The following STPG2 variants were observed in gnomAD, a reference collection of about 807,000 sequenced individuals.
The protein encoded by STPG2 is sperm-tail PG-rich repeat-containing protein 2.
STPG2 carries 56 observed loss-of-function variants against 54.2 expected under a neutral mutation model. The ratio of observed to expected loss-of-function variants is 1.03; its 90% CI spans 0.83 to 1.29. The LOEUF (loss-of-function observed/expected upper bound fraction) is 1.29. Among genes scored for constraint, STPG2 ranks in the 50% most tolerant of loss-of-function variants. The probability of loss-of-function intolerance (pLI) is 0.00; values close to 1 mark genes in which losing one functional copy is unlikely to be tolerated. For missense variants in STPG2, 596 were observed against 544.9 expected (o/e 1.09, Z -0.93); for synonymous variants, 200 against 181.8 (o/e 1.10, Z -0.81).
At chr4:97,908,200 C>T (rs1204669892) in intron 8 of STPG2, among the ~76,000 whole-genome samples, 3 of 152,086 alleles carry the variant, frequency 2.0e-5, no homozygotes, top group African/African-American at 7.2e-5. Context: ...AAAAAGTGGG[C>T]AAAGGACATG....
chr4:97,550,490 G>C (rs1313830492), intron 4 of STPG2, among the ~76,000 whole-genome samples: 1 of 152,076 alleles, frequency 6.6e-6, no homozygotes, highest in East Asian at 1.9e-4. Flanking sequence ...ATACGGAATA[G>C]CCTAGTTTAG....
chr4:97,502,942 G>A (rs959478153), intron 4 of STPG2, among the ~76,000 whole-genome samples: 12 of 151,722 alleles, frequency 7.9e-5, no homozygotes, highest in African/African-American at 2.9e-4. Flanking sequence ...GAAGCTCGAA[G>A]CCTAGATCCA....
intron 8 of STPG2, among the ~76,000 whole-genome samples, chr4:97,861,281 A>C (rs2149141028): frequency 6.6e-6 from 1 of 152,266 alleles, no homozygotes; most frequent in East Asian, 1.9e-4. Context: ...AAAATAAAAA[A>C]CTATAATGAG....
intron 4 of STPG2, among the ~76,000 whole-genome samples, chr4:97,535,556 T>C (rs1292028354): frequency 6.6e-6 from 1 of 152,216 alleles, no homozygotes; most frequent in African/African-American, 2.4e-5. Flanking sequence ...TTTAGCATGG[T>C]AAAAACACAG....
chr4:97,978,434 G>A (rs1270444423), intron 6 of STPG2, among the ~76,000 whole-genome samples: 1 of 152,122 alleles, frequency 6.6e-6, no homozygotes, highest in Non-Finnish European at 1.5e-5. Flanking sequence ...CCACATGTTT[G>A]CACTTATAAG....
At position 97,759,447 on chromosome 4, in the gene STPG2, A is replaced by G. The variant is rs188267262; in HGVS notation, c.1205-46633T>C. Among the ~76,000 whole-genome samples, 32 of 152,314 alleles carry G rather than the reference A, an allele frequency of 2.1e-4. No individual in the cohort carries two copies. The East Asian group carries it at 5.6e-3, about 27-fold the overall frequency. On this transcript the variant is annotated intron_variant, in intron 9 of 10. Coordinates refer to ENST00000295268, the MANE Select transcript of STPG2 (RefSeq NM_174952.3). The stretch of plus-strand genomic sequence containing the variant: ...TAAATTCTATGTTTTAACCAATTTA[A>G]TAGAGGGAAGAAAAAATAATCCAGG...
chr4:97,949,643 C>T (rs536057176), intron 7 of STPG2, among the ~76,000 whole-genome samples: 7 of 152,046 alleles, frequency 4.6e-5, no homozygotes, highest in South Asian at 4.1e-4. Flanking sequence ...CTGAAAATGA[C>T]GTAGTTTTGC....
chr4:98,090,200 T>C (rs933180521), intron 5 of STPG2, among the ~76,000 whole-genome samples: 1 of 152,198 alleles, frequency 6.6e-6, no homozygotes, highest in African/African-American at 2.4e-5. Context: ...ATTTAAGTCA[T>C]TGATTCATCT....
intron 10 of STPG2, among the ~76,000 whole-genome samples, chr4:97,577,500 C>T (rs151136589): frequency 6.6e-6 from 1 of 152,180 alleles, no homozygotes; most frequent in African/African-American, 2.4e-5. Context: ...AAACAAATAC[C>T]GCCTGTTCTC....
intron 8 of STPG2, among the ~76,000 whole-genome samples, chr4:97,855,150 C>A (rs1290904411): frequency 6.6e-6 from 1 of 152,092 alleles, no homozygotes; most frequent in African/African-American, 2.4e-5. Context: ...TCTAGTCTAT[C>A]ATTGAGGGGC....
At chr4:97,898,853 AT>A (rs1731059865) in intron 8 of STPG2, among the ~76,000 whole-genome samples, 1 of 151,762 alleles carries the variant, frequency 6.6e-6, no homozygotes, top group South Asian at 2.1e-4. Context: ...TTTTACACAT[AT>A]AAAAATTCAA....
chr4:98,053,449 A>G (rs1444849331), intron 5 of STPG2, among the ~76,000 whole-genome samples: 2 of 152,176 alleles, frequency 1.3e-5, no homozygotes, highest in Non-Finnish European at 2.9e-5. Context: ...AGACACTTCC[A>G]GCAGAGACAA....
At chr4:98,062,353 G>C (rs538253266) in intron 5 of STPG2, among the ~76,000 whole-genome samples, 1 of 152,182 alleles carries the variant, frequency 6.6e-6, no homozygotes, top group South Asian at 2.1e-4. Context: ...TGGGTACTGG[G>C]CTTAATTCCT....
At chr4:98,017,133 G>A (rs535229895) in intron 5 of STPG2, among the ~76,000 whole-genome samples, 1 of 152,308 alleles carries the variant, frequency 6.6e-6, no homozygotes, top group Non-Finnish European at 1.5e-5. Flanking sequence ...AATCTGCAAG[G>A]GCCAGACTGG....
At chr4:97,602,773 G>C (rs1733496946) in intron 10 of STPG2, among the ~76,000 whole-genome samples, 1 of 151,628 alleles carries the variant, frequency 6.6e-6, no homozygotes, top group African/African-American at 2.4e-5. Context: ...TCTGTACAAG[G>C]ATTCATTATT....
At chr4:97,593,777 A>G (rs1044033911) in intron 10 of STPG2, among the ~76,000 whole-genome samples, 1 of 152,166 alleles carries the variant, frequency 6.6e-6, no homozygotes, top group Non-Finnish European at 1.5e-5. Flanking sequence ...GGCCAGTGGT[A>G]CAAGAACACC....
chr4:97,819,905 T>C (rs1230160414), intron 9 of STPG2, among the ~76,000 whole-genome samples: 1 of 152,118 alleles, frequency 6.6e-6, no homozygotes, highest in Non-Finnish European at 1.5e-5. Context: ...AATACAGGCA[T>C]ACCTCATTTT....
At chr4:97,689,731 T>C (rs2148987191) in intron 10 of STPG2, among the ~76,000 whole-genome samples, 1 of 152,216 alleles carries the variant, frequency 6.6e-6, no homozygotes, top group East Asian at 1.9e-4. Flanking sequence ...CCATATTTAG[T>C]TTTTAATCAT....
chr4:98,049,154 G>A (rs1285753056), intron 5 of STPG2: 8 of 152,094 alleles, frequency 5.3e-5, no homozygotes, highest in African/African-American at 1.9e-4. Flanking sequence ...CTTTAAAGCA[G>A]AATTTGTCAA....
Sources: allele counts gnomAD v4.1 joint callset (sites outside exome capture counted in the v4.1 genomes callset), GRCh38; gene constraint gnomAD v4.1.1; transcripts MANE v1.5; gene names NCBI Gene and HGNC (gene_info 2026-07-23, HGNC 2026-07-21).